The following GABBR2 variants were observed in gnomAD, a reference collection of about 807,000 sequenced individuals.
GABBR2 encodes G-protein coupled receptor 51.
GABBR2 carries 23 observed loss-of-function variants against 105.6 expected under a neutral mutation model. That is an observed-to-expected ratio of 0.22 (90% CI 0.16 to 0.31). GABBR2 has a LOEUF of 0.31. Ranked by LOEUF, GABBR2 falls within the 10% of genes least tolerant of loss-of-function variation. GABBR2 has a pLI of 1.00. For synonymous variants in GABBR2, 478 were observed against 499.7 expected (o/e 0.96, Z 0.58); for missense variants, 734 against 1,245.5 (o/e 0.59, Z 6.18).
At chr9:98,391,599 G>A (rs1204798398) in intron 9 of GABBR2, among the ~76,000 whole-genome samples, 1 of 152,212 alleles carries the variant, frequency 6.6e-6, no homozygotes, top group South Asian at 2.1e-4. Context: ...CGAAGGATGA[G>A]TAGAGTAGTT....
At chr9:98,391,510 C>A (rs998860388) in intron 9 of GABBR2, among the ~76,000 whole-genome samples, 2 of 152,120 alleles carry the variant, frequency 1.3e-5, no homozygotes, top group African/African-American at 2.4e-5. Context: ...GGCCTGAGAG[C>A]GAGCAGGGAG....
intron 12 of GABBR2, among the ~76,000 whole-genome samples, chr9:98,368,786 G>A (rs931146951): frequency 3.3e-5 from 5 of 152,206 alleles, no homozygotes; most frequent in South Asian, 4.1e-4. Context: ...AACCAGAGCC[G>A]CAGAGCAGGA....
At position 98,577,877 on chromosome 9, in the gene GABBR2, A is replaced by G. The variant is rs1401504225; in HGVS notation, c.459+58T>C. ...CATTGTACAAGGAATAATTCCTGCAAAAGACTGAGGGCCAACCAAAGACAC... is the reference window on the plus strand; with the variant it reads ...CATTGTACAAGGAATAATTCCTGCAGAAGACTGAGGGCCAACCAAAGACAC... On this transcript the variant is annotated intron_variant, in intron 2 of 18. Transcript: ENST00000259455. The G allele has an allele frequency of 2.0e-6, 3 of 1,532,450 alleles. No individual in the cohort carries two copies. The African/African-American group carries it at 4.2e-5, about 21-fold the overall frequency. 94.9% of individuals were successfully genotyped at this position (1,532,450 alleles called of 1,614,324 possible).
chr9:98,380,612 C>T lies in GABBR2; in HGVS notation c.1662+5028G>A, dbSNP rs984624037. Reference sequence around the variant, plus strand: ...ACGTTGCTATGGTGACTCCACTACCCGCACAGTGTCCAGGGAGACAGCACG... The same window carrying T: ...ACGTTGCTATGGTGACTCCACTACCTGCACAGTGTCCAGGGAGACAGCACG... On this transcript the variant is annotated intron_variant, in intron 11 of 18. Transcript: ENST00000259455. 3.3e-5 allele frequency among the ~76,000 whole-genome samples: 5 copies of T among 152,230 alleles called. No individual in the cohort carries two copies. The South Asian group carries it at 6.2e-4, about 19-fold the overall frequency.
chr9:98,705,101 A>T (rs980712397), intron 1 of GABBR2, among the ~76,000 whole-genome samples: 1 of 152,226 alleles, frequency 6.6e-6, no homozygotes, highest in African/African-American at 2.4e-5. Flanking sequence ...GGTTCTTGGT[A>T]TAGTAACTTC....
chr9:98,660,423 C>T (rs533476686), intron 1 of GABBR2, among the ~76,000 whole-genome samples: 1 of 152,304 alleles, frequency 6.6e-6, no homozygotes, highest in South Asian at 2.1e-4. Context: ...AAAAGCGTAT[C>T]CTACTGCATT....
At chr9:98,400,188 T>A (rs1001512965) in intron 8 of GABBR2, among the ~76,000 whole-genome samples, 7 of 148,216 alleles carry the variant, frequency 4.7e-5, no homozygotes, top group Non-Finnish European at 7.4e-5. Flanking sequence ...CCCTGCCTTT[T>A]TTTTTTTTAA....
intron 3 of GABBR2, among the ~76,000 whole-genome samples, chr9:98,534,781 T>A (rs983788581): frequency 6.6e-6 from 1 of 152,222 alleles, no homozygotes. Context: ...CTGGTGGGAA[T>A]GCAAAATGGT....
chr9:98,515,782 T>A (rs1588207340), intron 3 of GABBR2, among the ~76,000 whole-genome samples: 1 of 152,236 alleles, frequency 6.6e-6, no homozygotes, highest in East Asian at 1.9e-4. Flanking sequence ...CTGGAGTGAA[T>A]TTCATCCTCA....
chr9:98,574,666 C>A (rs1828883481), intron 2 of GABBR2, among the ~76,000 whole-genome samples: 1 of 152,226 alleles, frequency 6.6e-6, no homozygotes. Context: ...AACACAGTCC[C>A]CATCTTGTAA....
intron 6 of GABBR2, among the ~76,000 whole-genome samples, chr9:98,464,474 G>A (rs1387244443): frequency 7.4e-5 from 10 of 134,968 alleles, no homozygotes; most frequent in South Asian, 2.4e-4. Context: ...CTGCCTGGCC[G>A]CCCCCATCTG....
intron 13 of GABBR2, among the ~76,000 whole-genome samples, chr9:98,337,133 T>C (rs1332462706): frequency 6.6e-6 from 1 of 151,896 alleles, no homozygotes; most frequent in Non-Finnish European, 1.5e-5. Context: ...AGTGAAACCC[T>C]GTCTCTACTA....
At position 98,570,966 on chromosome 9, in the gene GABBR2, C is replaced by T. The variant is rs138384208; in HGVS notation, c.459+6969G>A. Among the ~76,000 whole-genome samples, 554 of 152,344 alleles carry T rather than the reference C, an allele frequency of 3.6e-3. 4 individuals are homozygous for T. Among genetic ancestry groups the T allele is most frequent in the East Asian group, 0.015 (77 of 5,176 alleles). On this transcript the variant is annotated intron_variant, in intron 2 of 18. Transcript: ENST00000259455. ...GCACCTGGCTCTCCGTCAGCAAATA[C>T]GCCCTGAGCACTGCTCTGGCATCAC...
At chr9:98,401,545 G>A (rs1200955543) in intron 8 of GABBR2, among the ~76,000 whole-genome samples, 3 of 152,164 alleles carry the variant, frequency 2.0e-5, no homozygotes, top group South Asian at 2.1e-4. Context: ...TGTGTCCCCT[G>A]GTTCCTGCTT....
intron 2 of GABBR2, among the ~76,000 whole-genome samples, chr9:98,563,274 G>A (rs1405465026): frequency 6.6e-6 from 1 of 152,138 alleles, no homozygotes; most frequent in African/African-American, 2.4e-5. Context: ...CCTGGATTCT[G>A]GGCCATGAGC....
chr9:98,651,721 C>T (rs1308433436), intron 1 of GABBR2, among the ~76,000 whole-genome samples: 1 of 152,160 alleles, frequency 6.6e-6, no homozygotes, highest in Non-Finnish European at 1.5e-5. Flanking sequence ...TGTGAGCCAC[C>T]GCTCCTGGTC....
intron 1 of GABBR2, among the ~76,000 whole-genome samples, chr9:98,597,334 T>G (rs1829253044): frequency 6.6e-6 from 1 of 152,200 alleles, no homozygotes; most frequent in Non-Finnish European, 1.5e-5. Flanking sequence ...AGGGACAACA[T>G]GCATGGGCTG....
intron 3 of GABBR2, among the ~76,000 whole-genome samples, chr9:98,533,511 C>T (rs1452995793): frequency 6.6e-6 from 1 of 152,178 alleles, no homozygotes; most frequent in Admixed American, 6.5e-5. Context: ...CCCTAAGAAT[C>T]TGGCCTAATG....
chr9:98,506,785 G>C (rs74878154), intron 3 of GABBR2, among the ~76,000 whole-genome samples: 5,838 of 152,252 alleles, frequency 0.038, 388 homozygotes, highest in African/African-American at 0.13. Context: ...CCTCATGGCA[G>C]CTCCTACCTG....
Sources: gnomAD v4.1 joint callset for allele counts (sites outside exome capture counted in the v4.1 genomes callset) on GRCh38, gnomAD v4.1.1 for gene constraint, MANE v1.5 for transcripts, NCBI Gene and HGNC (gene_info 2026-07-23, HGNC 2026-07-21) for gene names.